Variants in CMKLR1 observed in about 807,000 individuals in gnomAD.
CMKLR1 encodes chemerin chemokine-like receptor 1, also known as chemerin-like receptor 1.
A neutral mutation model predicts 8.2 loss-of-function variants in CMKLR1; 6 were observed. The observed-to-expected ratio is 0.73, with a 90% CI of 0.40 to 1.44. The LOEUF (loss-of-function observed/expected upper bound fraction) is 1.44, where lower values mean the gene tolerates loss of function less well. Ranked by LOEUF, CMKLR1 falls within the 40% of genes most tolerant of loss-of-function variation. CMKLR1 has a pLI of 0.02. For missense variants in CMKLR1, 429 were observed against 478.0 expected (o/e 0.90, Z 0.96); for synonymous variants, 178 against 181.2 (o/e 0.98, Z 0.14).
chr12:108,322,853 A>G (rs561854087), intron 2 of CMKLR1, among the ~76,000 whole-genome samples: 12 of 152,300 alleles, frequency 7.9e-5, no homozygotes, highest in African/African-American at 1.9e-4. Context: ...ATTCTTTTAT[A>G]GCAACACAAA....
chr12:108,291,009 C>T lies in CMKLR1; in HGVS notation c.*832G>A, dbSNP rs1411892727. The T allele has an allele frequency of 6.6e-6, 1 of 152,322 alleles. No individual in the cohort carries two copies. Among genetic ancestry groups the T allele is most frequent in the Non-Finnish European group, 1.5e-5 (1 of 68,116 alleles). The allele number at this position is 152,322 out of a possible 1,614,324, so 9.4% of individuals were successfully genotyped here. On this transcript the variant is annotated 3_prime_UTR_variant, in exon 4 of 4. Coordinates refer to ENST00000550402, the MANE Select transcript of CMKLR1 (RefSeq NM_001142343.2). ...TGCTGGTGAAGATGCCTGCCACAAC[C>T]CCACCCCCAGGTAAGAGGGGCAAGG...
intron 2 of CMKLR1, among the ~76,000 whole-genome samples, chr12:108,294,939 G>C (rs916765469): frequency 6.6e-6 from 1 of 152,170 alleles, no homozygotes; most frequent in Non-Finnish European, 1.5e-5. Flanking sequence ...TTAAATAAAA[G>C]CCACTTGGAA....
intron 2 of CMKLR1, among the ~76,000 whole-genome samples, chr12:108,326,115 T>C (rs1421238714): frequency 6.6e-6 from 1 of 152,148 alleles, no homozygotes; most frequent in Non-Finnish European, 1.5e-5. Context: ...TAACCCAATT[T>C]TGGCCATTCT....
At chr12:108,306,587 A>G (rs1891414599) in intron 2 of CMKLR1, among the ~76,000 whole-genome samples, 2 of 152,190 alleles carry the variant, frequency 1.3e-5, no homozygotes, top group African/African-American at 4.8e-5. Context: ...TTAGAAACCT[A>G]TCTACCTAGT....
In CMKLR1 at chr12:108,291,759, G is replaced by A. The variant is rs535571845; in HGVS notation, c.*82C>T. On this transcript the variant is annotated 3_prime_UTR_variant, in exon 4 of 4. Coordinates refer to ENST00000550402, the MANE Select transcript of CMKLR1 (RefSeq NM_001142343.2). ...AGTGAAAATTGGTGGATGCTAAAGA[G>A]GTTCTTGCCTTGATCTTCAGAAGAC... 1 of 1,390,492 alleles carries A rather than the reference G, an allele frequency of 7.2e-7. No homozygotes were observed. Among genetic ancestry groups the A allele is most frequent in the South Asian group, 1.4e-5 (1 of 72,912 alleles). The allele number at this position is 1,390,492 out of a possible 1,614,324, so 86.1% of individuals were successfully genotyped here. A position where few individuals can be genotyped will look rare whatever the true frequency, so the allele number is the denominator to read the frequency against.
At position 108,305,696 on chromosome 12, in the gene CMKLR1, C is replaced by T. The variant is rs934179264; in HGVS notation, c.-73-12032G>A. Among the ~76,000 whole-genome samples the T allele has an allele frequency of 3.3e-5, 5 of 152,288 alleles. No homozygotes were observed. In the South Asian group the frequency reaches 1.0e-3, roughly 32 times the overall value. On this transcript the variant is annotated intron_variant, in intron 2 of 3. Transcript: ENST00000550402. ...CCAGCCACAGGCCTGGCTGCCAGCC[C>T]CAGGACAGAATTAGCTCCGTGTCAG...
intron 2 of CMKLR1, among the ~76,000 whole-genome samples, chr12:108,300,359 C>T (rs562245029): frequency 6.6e-6 from 1 of 152,318 alleles, no homozygotes; most frequent in East Asian, 1.9e-4. Flanking sequence ...ATTACAGACT[C>T]ACAAGCAATT....
At chr12:108,327,698 T>G (rs1593178499) in intron 2 of CMKLR1, among the ~76,000 whole-genome samples, 5 of 152,280 alleles carry the variant, frequency 3.3e-5, no homozygotes, top group Admixed American at 2.6e-4. Flanking sequence ...AGGACAATCT[T>G]GGAGGCGGGA....
chr12:108,298,065 T>C (rs1891180879), intron 2 of CMKLR1, among the ~76,000 whole-genome samples: 1 of 152,204 alleles, frequency 6.6e-6, no homozygotes, highest in Non-Finnish European at 1.5e-5. Flanking sequence ...TGGGTTGCTT[T>C]CTCGTTCTTG....
chr12:108,296,864 T>G (rs548586318), intron 2 of CMKLR1, among the ~76,000 whole-genome samples: 2 of 152,060 alleles, frequency 1.3e-5, no homozygotes, highest in African/African-American at 4.8e-5. Context: ...ATTTTGCTTC[T>G]CTAAGCTCCA....
At position 108,291,404 on chromosome 12, in the gene CMKLR1, A is replaced by T; in HGVS notation, c.*437T>A. 6.1e-6 allele frequency: 1 copy of T among 164,136 alleles called. No individual in the cohort carries two copies. Among genetic ancestry groups the T allele is most frequent in the South Asian group, 1.7e-4 (1 of 5,916 alleles). The allele number at this position is 164,136 out of a possible 1,614,324, so 10.2% of individuals were successfully genotyped here. A position where few individuals can be genotyped will look rare whatever the true frequency, so the allele number is the denominator to read the frequency against. Reference sequence around the variant, plus strand: ...GGTTTTCTGGCCAGCTACTGATAATATATATACAAGGGCCAAGTGTGATCT... The same window carrying T: ...GGTTTTCTGGCCAGCTACTGATAATTTATATACAAGGGCCAAGTGTGATCT... On this transcript the variant is annotated 3_prime_UTR_variant, in exon 4 of 4. Transcript: ENST00000550402.
intron 2 of CMKLR1, 88 bp from the exon 3 acceptor site, chr12:108,293,752 C>T: frequency 1.4e-6 from 1 of 707,610 alleles, no homozygotes; most frequent in Non-Finnish European, 2.4e-6. Context: ...GAAATAAGAT[C>T]TGTTGTTCTT....
chr12:108,293,081 C>A, intron 3 of CMKLR1, 122 bp from the exon 4 acceptor site: 3 of 895,858 alleles, frequency 3.3e-6, no homozygotes, highest in South Asian at 3.5e-5. Context: ...GTGATTTAAC[C>A]ATTTCCTTCT....
chr12:108,291,684 C>T lies in CMKLR1; in HGVS notation c.*157G>A. 1.3e-6 allele frequency: 1 copy of T among 756,778 alleles called. No homozygotes were observed. 46.9% of individuals were successfully genotyped at this position (756,778 alleles called of 1,614,324 possible). A position where few individuals can be genotyped will look rare whatever the true frequency, so the allele number is the denominator to read the frequency against. On this transcript the variant is annotated 3_prime_UTR_variant, in exon 4 of 4. Coordinates refer to ENST00000550402, the MANE Select transcript of CMKLR1 (RefSeq NM_001142343.2). ...TTCTGTCCACTAGAAGAAAGGGGTT[C>T]CAGGCCCTAGATTCCCAGCATAAAA...
chr12:108,313,390 G>A (rs1891635189), intron 2 of CMKLR1, among the ~76,000 whole-genome samples: 1 of 152,178 alleles, frequency 6.6e-6, no homozygotes, highest in African/African-American at 2.4e-5. Context: ...CATCTTACAG[G>A]AAAAGGGAAG....
intron 2 of CMKLR1, among the ~76,000 whole-genome samples, chr12:108,319,550 G>A (rs1332010641): frequency 1.3e-5 from 2 of 152,162 alleles, no homozygotes; most frequent in Non-Finnish European, 2.9e-5. Context: ...GTAAAATGGA[G>A]CAATACATGC....
chr12:108,335,952 T>C (rs1892211827), intron 1 of CMKLR1, among the ~76,000 whole-genome samples: 1 of 152,254 alleles, frequency 6.6e-6, no homozygotes, highest in Non-Finnish European at 1.5e-5. Context: ...TGTGGTACTA[T>C]AAGACAAAGT....
In CMKLR1 at chr12:108,291,746, T is replaced by C. The variant is rs912876199; in HGVS notation, c.*95A>G. 3.2e-6 allele frequency: 4 copies of C among 1,265,744 alleles called. No homozygotes were observed. The East Asian group carries it at 7.0e-5, about 22-fold the overall frequency. The allele number at this position is 1,265,744 out of a possible 1,614,324, so 78.4% of individuals were successfully genotyped here. Reference sequence around the variant, plus strand: ...CCATGCAAAATGCAGTGAAAATTGGTGGATGCTAAAGAGGTTCTTGCCTTG... The same window carrying C: ...CCATGCAAAATGCAGTGAAAATTGGCGGATGCTAAAGAGGTTCTTGCCTTG... On this transcript the variant is annotated 3_prime_UTR_variant, in exon 4 of 4. Transcript: ENST00000550402.
At chr12:108,323,009 C>T (rs1008328326) in intron 2 of CMKLR1, among the ~76,000 whole-genome samples, 1 of 152,142 alleles carries the variant, frequency 6.6e-6, no homozygotes, top group Non-Finnish European at 1.5e-5. Context: ...CAGATTCCCC[C>T]TTCAGCCAGA....
Sources: allele counts gnomAD v4.1 joint callset (sites outside exome capture counted in the v4.1 genomes callset), GRCh38; gene constraint gnomAD v4.1.1; transcripts MANE v1.5; gene names NCBI Gene and HGNC (gene_info 2026-07-23, HGNC 2026-07-21).